The following CCDC7 variants were observed in gnomAD, a reference collection of about 807,000 sequenced individuals.
CCDC7 encodes coiled-coil domain containing 7.
CCDC7 carries 183 observed loss-of-function variants against 196.9 expected under a neutral mutation model. The ratio of observed to expected loss-of-function variants is 0.93; its 90% CI spans 0.82 to 1.05. CCDC7 has a LOEUF of 1.05. CCDC7 is among the 50% of genes least tolerant of loss of function. The pLI is 0.00. For missense variants in CCDC7, 1,540 were observed against 1,482.2 expected, an observed-to-expected ratio of 1.04 and a Z score of -0.64; for synonymous variants, 525 against 484.6, an observed-to-expected ratio of 1.08 and a Z score of -1.10.
rs537445880 is a variant in CCDC7, at chr10:32,557,808, C to T, written c.1135-7750C>T. ...CTGGGCTCAAATGATCCTCCTGCCT[C>T]AGCTTCCCAAGGAGCTAGGATTATA... On this transcript the variant is annotated intron_variant, in intron 13 of 41. Transcript: ENST00000639629. 1.4e-3 allele frequency among the ~76,000 whole-genome samples: 210 copies of T among 152,262 alleles called. 1 individual carries two copies. The highest frequency in any genetic ancestry group is 2.1e-3 in the Admixed American group (32 of 15,282).
chr10:32,584,936 T>C (rs1263965433), intron 18 of CCDC7, among the ~76,000 whole-genome samples: 1 of 152,078 alleles, frequency 6.6e-6, no homozygotes, highest in Non-Finnish European at 1.5e-5. Context: ...GGAAAAAAGA[T>C]GATTTCTGTA....
At chr10:32,700,150 ATT>A in intron 24 of CCDC7, among the ~76,000 whole-genome samples, 1 of 149,544 alleles carries the variant, frequency 6.7e-6, no homozygotes, top group African/African-American at 2.6e-5. Context: ...CCTGAATGGT[ATT>A]GCCTAGGTTT....
chr10:32,679,547 C>A (rs1195386503), intron 21 of CCDC7, among the ~76,000 whole-genome samples: 1 of 152,194 alleles, frequency 6.6e-6, no homozygotes, highest in African/African-American at 2.4e-5. Context: ...CATTAATCTT[C>A]TTTTTAATTG....
intron 8 of CCDC7, among the ~76,000 whole-genome samples, chr10:32,484,649 TTATTATTTTGAGA>T (rs1457494836): frequency 6.6e-6 from 1 of 152,214 alleles, no homozygotes; most frequent in African/African-American, 2.4e-5. Context: ...TAAATAGCTC[TTATTATTTTGAGA>T]TATGTCCCAT....
intron 9 of CCDC7, among the ~76,000 whole-genome samples, chr10:32,516,662 T>C (rs1397608645): frequency 6.6e-6 from 1 of 152,148 alleles, no homozygotes; most frequent in Non-Finnish European, 1.5e-5. Context: ...TATATTCAAA[T>C]AGACAACGCA....
intron 11 of CCDC7, among the ~76,000 whole-genome samples, chr10:32,536,350 C>T (rs60771066): frequency 0.05 from 7,616 of 152,228 alleles, 625 homozygotes; most frequent in African/African-American, 0.17. Flanking sequence ...CAGACCTACA[C>T]CCCATGCCTC....
chr10:32,674,901 T>C (rs1387194429), intron 21 of CCDC7, among the ~76,000 whole-genome samples: 1 of 152,044 alleles, frequency 6.6e-6, no homozygotes, highest in Non-Finnish European at 1.5e-5. Context: ...CCACTTCTGC[T>C]CTCTTTTTGA....
At position 32,844,681 on chromosome 10, in the gene CCDC7, A is replaced by G. The variant is rs1417347347; in HGVS notation, c.3353-562A>G. Among the ~76,000 whole-genome samples the G allele has an allele frequency of 2.0e-5, 3 of 151,900 alleles. No individual in the cohort carries two copies. In the East Asian group the frequency reaches 5.8e-4, roughly 29 times the overall value. On this transcript the variant is annotated intron_variant, in intron 33 of 41. Coordinates refer to ENST00000639629, the Ensembl canonical transcript of CCDC7. Reference sequence around the variant, plus strand: ...TGGTAAAGTCAGTGGTTAAGGAATTATAAAGTGTCAGTTTGTACATCAATT... The same window carrying G: ...TGGTAAAGTCAGTGGTTAAGGAATTGTAAAGTGTCAGTTTGTACATCAATT...
chr10:32,450,673 CCTTAT>C (rs2032811930), upstream of CCDC7, among the ~76,000 whole-genome samples: 2 of 152,152 alleles, frequency 1.3e-5, no homozygotes, highest in African/African-American at 4.8e-5. Context: ...GTTTATACTT[CCTTAT>C]CTTAGCATAG....
chr10:32,618,309 T>A (rs1384917270), intron 18 of CCDC7, among the ~76,000 whole-genome samples: 1 of 151,980 alleles, frequency 6.6e-6, no homozygotes, highest in East Asian at 1.9e-4. Flanking sequence ...TTTTCTTCTC[T>A]TTTTGTCTTT....
chr10:32,515,000 T>G (rs919719311), intron 9 of CCDC7, among the ~76,000 whole-genome samples: 3 of 151,982 alleles, frequency 2.0e-5, no homozygotes, highest in Admixed American at 2.0e-4. Context: ...ATTAAAAAAT[T>G]TTTTTTGTAG....
intron 18 of CCDC7, among the ~76,000 whole-genome samples, chr10:32,594,564 TG>T (rs1480120639): frequency 6.6e-6 from 1 of 152,226 alleles, no homozygotes; most frequent in African/African-American, 2.4e-5. Context: ...CTGATTGCCC[TG>T]GCCAGAACTT....
chr10:32,713,263 G>T (rs1415644507), intron 25 of CCDC7, among the ~76,000 whole-genome samples: 1 of 152,228 alleles, frequency 6.6e-6, no homozygotes, highest in Non-Finnish European at 1.5e-5. Context: ...AGAATTATTT[G>T]TTTCCTCCTC....
At chr10:32,882,269 G>C (rs112227785) in intron 22 of CCDC7, among the ~76,000 whole-genome samples, 1 of 152,052 alleles carries the variant, frequency 6.6e-6, no homozygotes, top group African/African-American at 2.4e-5. Context: ...TTGCTTAACC[G>C]GCCTAACAAG....
intron 29 of CCDC7, among the ~76,000 whole-genome samples, chr10:32,780,194 G>A (rs1565483202): frequency 1.3e-5 from 2 of 152,186 alleles, no homozygotes; most frequent in South Asian, 2.1e-4. Context: ...CCGAGATCAC[G>A]CCACTGCACT....
At chr10:32,765,096 T>A (rs2078062265) in intron 28 of CCDC7, among the ~76,000 whole-genome samples, 1 of 151,988 alleles carries the variant, frequency 6.6e-6, no homozygotes, top group African/African-American at 2.4e-5. Flanking sequence ...CTCAATCAAT[T>A]CCCAGACTTG....
intron 18 of CCDC7, among the ~76,000 whole-genome samples, chr10:32,602,735 A>G (rs191840682): frequency 9.1e-4 from 139 of 152,334 alleles, no homozygotes; most frequent in African/African-American, 3.1e-3. Flanking sequence ...GTAAGTTAAT[A>G]TAAGTTGAGT....
chr10:32,668,694 A>T (rs369257452), intron 21 of CCDC7, among the ~76,000 whole-genome samples: 2 of 152,014 alleles, frequency 1.3e-5, no homozygotes, highest in Non-Finnish European at 1.5e-5. Flanking sequence ...TGTATGTTGA[A>T]CCAGCCTTGC....
intron 24 of CCDC7, among the ~76,000 whole-genome samples, chr10:32,709,308 C>T (rs925432107): frequency 7.9e-6 from 1 of 127,264 alleles, no homozygotes; most frequent in African/African-American, 3.1e-5. Flanking sequence ...ACATCACACA[C>T]CGAGGCCTAT....
Sources: gnomAD v4.1 joint callset for allele counts (sites outside exome capture counted in the v4.1 genomes callset) on GRCh38, gnomAD v4.1.1 for gene constraint, MANE v1.5 for transcripts, NCBI Gene and HGNC (gene_info 2026-07-23, HGNC 2026-07-21) for gene names.